GPR141: variants seen among roughly 807,000 people sequenced by gnomAD.
GPR141 encodes the protein probable G protein-coupled receptor 141.
In GPR141, 6 loss-of-function variants were observed where a neutral mutation model predicts 6.8. The observed-to-expected ratio is 0.88, with a 90% confidence interval of 0.48 to 1.74. GPR141 has a LOEUF of 1.74. GPR141 is among the 40% of genes most tolerant of loss of function. GPR141 has a pLI of 0.01. For synonymous variants in GPR141, 140 were observed against 142.3 expected (o/e 0.98, Z 0.11); for missense variants, 372 against 372.9 (o/e 1.00, Z 0.02).
At chr7:37,696,064 A>G (rs1434263043) in intron 2 of GPR141, among the ~76,000 whole-genome samples, 2 of 152,276 alleles carry the variant, frequency 1.3e-5, no homozygotes, top group Non-Finnish European at 2.9e-5. Flanking sequence ...TTGGAAGTAC[A>G]GACAATTCCC....
chr7:37,688,652 G>A (rs1456673433), intron 2 of GPR141, among the ~76,000 whole-genome samples: 1 of 152,006 alleles, frequency 6.6e-6, no homozygotes, highest in East Asian at 1.9e-4. Context: ...ACAATTTCAG[G>A]TTCTTCTCCG....
At chr7:37,736,029 C>T (rs530968707) in intron 2 of GPR141, among the ~76,000 whole-genome samples, 9 of 151,992 alleles carry the variant, frequency 5.9e-5, no homozygotes, top group Non-Finnish European at 8.8e-5. Flanking sequence ...GAGGCTGAGG[C>T]GGGTGGATCA....
At chr7:37,723,388 A>G (rs1175646369) in intron 2 of GPR141, among the ~76,000 whole-genome samples, 1 of 152,118 alleles carries the variant, frequency 6.6e-6, no homozygotes, top group African/African-American at 2.4e-5. Context: ...GAAAATAAAA[A>G]GAAATAAAAC....
chr7:37,721,363 T>C (rs1309505426), intron 2 of GPR141, among the ~76,000 whole-genome samples: 1 of 152,168 alleles, frequency 6.6e-6, no homozygotes, highest in Non-Finnish European at 1.5e-5. Context: ...CAGGACCTGG[T>C]GACAAAAGTT....
intron 2 of GPR141, among the ~76,000 whole-genome samples, chr7:37,734,254 A>G (rs1348253420): frequency 6.6e-6 from 1 of 152,228 alleles, no homozygotes; most frequent in African/African-American, 2.4e-5. Flanking sequence ...AATTTGTCTC[A>G]TAACGACTAT....
intron 2 of GPR141, among the ~76,000 whole-genome samples, chr7:37,702,007 T>G (rs1236671549): frequency 2.0e-5 from 3 of 152,228 alleles, no homozygotes; most frequent in African/African-American, 7.2e-5. Context: ...CTACATGGTT[T>G]AAGGCTTGTT....
At chr7:37,693,095 T>G (rs1167144718) in intron 2 of GPR141, among the ~76,000 whole-genome samples, 1 of 152,232 alleles carries the variant, frequency 6.6e-6, no homozygotes, top group Non-Finnish European at 1.5e-5. Context: ...ATGTCCTGAA[T>G]AGTATTGCCT....
intron 2 of GPR141, among the ~76,000 whole-genome samples, chr7:37,699,658 T>C (rs1434330965): frequency 6.6e-6 from 1 of 152,216 alleles, no homozygotes; most frequent in East Asian, 1.9e-4. Flanking sequence ...GGCTATAGTT[T>C]GCAAACTTTT....
In GPR141 at chr7:37,740,547, A is replaced by C. The variant is rs1051200252; in HGVS notation, c.154A>C (p.Thr52Pro). 14 of 1,613,984 alleles carry C rather than the reference A, an allele frequency of 8.7e-6. No homozygotes were observed. The African/African-American group carries it at 1.7e-4, about 20-fold the overall frequency. ...LVKMNTRSVT[T>P]MAVINLVVVH... ...GAAAATGAACACCCGGTCAGTGACCACCATGGCGGTCATTAACTTGGTGGT... is the reference window on the plus strand; with the variant it reads ...GAAAATGAACACCCGGTCAGTGACCCCCATGGCGGTCATTAACTTGGTGGT... The change falls in exon 3 of 3, where the codon ACC becomes CCC. Residue 52 changes from threonine to proline, a missense_variant. Physicochemically the swap from Thr to Pro is conservative, Grantham distance 38 (BLOSUM62 -1). Transcript: ENST00000334425.
rs745535768 is a variant in GPR141 at position 37,741,438 on chromosome 7, A to G, written c.*127A>G. ...TTGATGTACCCAAAACAAAAGGACT[A>G]TAAAATGCAAGAGCCCTCATTGTAG... On this transcript the variant is annotated 3_prime_UTR_variant, in exon 3 of 3. Coordinates refer to ENST00000334425, the MANE Select transcript of GPR141 (RefSeq NM_001381946.1). 49 of 697,260 alleles carry G rather than the reference A, an allele frequency of 7.0e-5. 1 individual carries two copies. Among genetic ancestry groups the G allele is most frequent in the South Asian group, 4.1e-4 (20 of 49,172 alleles). 43.2% of individuals were successfully genotyped at this position (697,260 alleles called of 1,614,324 possible). A position where few individuals can be genotyped will look rare whatever the true frequency, so the allele number is the denominator to read the frequency against.
chr7:37,692,573 C>T (rs1234027115), intron 2 of GPR141, among the ~76,000 whole-genome samples: 4 of 152,134 alleles, frequency 2.6e-5, no homozygotes, highest in Non-Finnish European at 5.9e-5. Context: ...AATCACCACA[C>T]CTGTCTTCCA....
rs1395943327 is a variant in GPR141, at chr7:37,712,702, A to G, written c.-15+27119A>G. Among the ~76,000 whole-genome samples, 3 of 152,216 alleles carry G rather than the reference A, an allele frequency of 2.0e-5. No individual in the cohort carries two copies. In the East Asian group the frequency reaches 5.8e-4, roughly 29 times the overall value. ...AAATAAGATACATAAGATGCCTCTG[A>G]AGAACATTGTGTTTAGTTAGCTACT... is the stretch of plus-strand genomic sequence containing the variant. On this transcript the variant is annotated intron_variant, in intron 2 of 2. Coordinates refer to ENST00000334425, the MANE Select transcript of GPR141 (RefSeq NM_001381946.1).
At chr7:37,734,984 CT>C (rs1812164188) in intron 2 of GPR141, among the ~76,000 whole-genome samples, 2 of 152,134 alleles carry the variant, frequency 1.3e-5, no homozygotes, top group Non-Finnish European at 2.9e-5. Flanking sequence ...GGGAACTAAT[CT>C]TTGTATGTTG....
At chr7:37,694,034 G>C (rs192378385) in intron 2 of GPR141, among the ~76,000 whole-genome samples, 1 of 152,156 alleles carries the variant, frequency 6.6e-6, no homozygotes, top group East Asian at 1.9e-4. Context: ...GGTGCTGCAG[G>C]GTATGACCAC....
chr7:37,699,003 C>G (rs1473139273), intron 2 of GPR141, among the ~76,000 whole-genome samples: 1 of 152,192 alleles, frequency 6.6e-6, no homozygotes, highest in Non-Finnish European at 1.5e-5. Flanking sequence ...CACTGAAACT[C>G]CCAGTCTGGT....
chr7:37,722,199 A>G (rs1811359625), intron 2 of GPR141, among the ~76,000 whole-genome samples: 1 of 152,222 alleles, frequency 6.6e-6, no homozygotes, highest in Non-Finnish European at 1.5e-5. Flanking sequence ...TCCTAGAGTT[A>G]TTTATAACAA....
chr7:37,709,607 T>C (rs1810695603), intron 2 of GPR141: 1 of 152,196 alleles, frequency 6.6e-6, no homozygotes. Flanking sequence ...CTTGCCAGCA[T>C]TGAAGATTGT....
At chr7:37,723,293 T>A (rs1811442493) in intron 2 of GPR141, among the ~76,000 whole-genome samples, 1 of 152,034 alleles carries the variant, frequency 6.6e-6, no homozygotes, top group Non-Finnish European at 1.5e-5. Flanking sequence ...GTGCCTGGCC[T>A]AAGAGTCCAG....
At chr7:37,732,353 A>G (rs567872229) in intron 2 of GPR141, among the ~76,000 whole-genome samples, 1 of 151,586 alleles carries the variant, frequency 6.6e-6, no homozygotes, top group South Asian at 2.1e-4. Context: ...CCTCACCTTG[A>G]GAGTGATGAG....
Sources: gnomAD v4.1 joint callset for allele counts (sites outside exome capture counted in the v4.1 genomes callset) on GRCh38, gnomAD v4.1.1 for gene constraint, MANE v1.5 for transcripts, NCBI Gene and HGNC (gene_info 2026-07-23, HGNC 2026-07-21) for gene names.